Variants in AGBL1 observed in about 807,000 individuals in gnomAD.
The protein encoded by AGBL1 is cytosolic carboxypeptidase 4.
AGBL1 carries 130 observed loss-of-function variants against 118.9 expected under a neutral mutation model. The ratio of observed to expected loss-of-function variants is 1.09; its 90% CI spans 0.95 to 1.26. The LOEUF (loss-of-function observed/expected upper bound fraction) is 1.26, where lower values mean the gene tolerates loss of function less well. AGBL1 is among the 50% of genes most tolerant of loss of function. The pLI, the probability that AGBL1 is intolerant of heterozygous loss-of-function variation, is 0.00. For synonymous variants in AGBL1, 555 were observed against 478.9 expected (o/e 1.16, Z -2.08); for missense variants, 1,584 against 1,298.1 (o/e 1.22, Z -3.38).
At chr15:86,596,947 A>G (rs2084416904) in intron 21 of AGBL1, among the ~76,000 whole-genome samples, 1 of 152,164 alleles carries the variant, frequency 6.6e-6, no homozygotes, top group Admixed American at 6.6e-5. Flanking sequence ...TGTTTGGCTC[A>G]CTAGTATTGT....
intron 9 of AGBL1, among the ~76,000 whole-genome samples, chr15:86,262,041 CT>C (rs1175304470): frequency 7.5e-6 from 1 of 133,106 alleles, no homozygotes; most frequent in Non-Finnish European, 1.6e-5. Context: ...GCTTTTCCTT[CT>C]GCTAATAATT....
At chr15:86,630,320 G>T (rs900229142) in intron 21 of AGBL1, 3 of 152,212 alleles carry the variant, frequency 2.0e-5, no homozygotes, top group African/African-American at 7.2e-5. Context: ...GATAGTTTCT[G>T]TGGAACTCAG....
At chr15:86,821,398 T>C (rs1486173972) in intron 22 of AGBL1, among the ~76,000 whole-genome samples, 3 of 152,096 alleles carry the variant, frequency 2.0e-5, no homozygotes, top group African/African-American at 7.2e-5. Context: ...GAATTTGAAA[T>C]CTAAGGCTAA....
intron 16 of AGBL1, among the ~76,000 whole-genome samples, chr15:86,284,183 A>G (rs2079403173): frequency 9.7e-6 from 1 of 103,436 alleles, no homozygotes; most frequent in African/African-American, 3.6e-5. Context: ...TTCATACTAA[A>G]ATTAAAATAA....
intron 21 of AGBL1, among the ~76,000 whole-genome samples, chr15:86,583,617 T>G (rs140076858): frequency 9.0e-4 from 137 of 152,296 alleles, no homozygotes; most frequent in African/African-American, 3.2e-3. Context: ...TCTTTTCTAT[T>G]GTGAATCGTG....
intron 8 of AGBL1, among the ~76,000 whole-genome samples, 179 bp downstream of exon 8, chr15:86,257,197 T>G (rs1363231933): frequency 6.6e-6 from 1 of 152,246 alleles, no homozygotes; most frequent in East Asian, 1.9e-4. Flanking sequence ...GGTGATTTCA[T>G]AAACAGAAAA....
intron 17 of AGBL1, among the ~76,000 whole-genome samples, chr15:86,333,002 G>A (rs1027622040): frequency 6.6e-6 from 1 of 152,044 alleles, no homozygotes; most frequent in African/African-American, 2.4e-5. Flanking sequence ...AATGAACACC[G>A]ATACCACATA....
chr15:86,769,187 G>T (rs2078138122), intron 22 of AGBL1, among the ~76,000 whole-genome samples: 1 of 138,536 alleles, frequency 7.2e-6, no homozygotes, highest in Non-Finnish European at 1.5e-5. Flanking sequence ...GAGAGAGAGA[G>T]AGACAGAGAA....
chr15:86,686,725 C>A (rs918595476), intron 22 of AGBL1, among the ~76,000 whole-genome samples: 1 of 152,156 alleles, frequency 6.6e-6, no homozygotes, highest in Non-Finnish European at 1.5e-5. Context: ...GCATGAGCCA[C>A]CATGCCTGGC....
At chr15:86,155,271 C>T (rs1597467628) in intron 4 of AGBL1, among the ~76,000 whole-genome samples, 1 of 151,890 alleles carries the variant, frequency 6.6e-6, no homozygotes. Context: ...CATTTGAGAC[C>T]AGCTTGGTCT....
At chr15:86,221,088 C>T (rs929935185) in intron 5 of AGBL1, among the ~76,000 whole-genome samples, 5 of 152,066 alleles carry the variant, frequency 3.3e-5, no homozygotes, top group African/African-American at 1.2e-4. Flanking sequence ...ATCCCAGCTA[C>T]CTGGGAGGCT....
chr15:86,770,352 A>G (rs1479001711), intron 22 of AGBL1, among the ~76,000 whole-genome samples: 1 of 151,918 alleles, frequency 6.6e-6, no homozygotes, highest in Non-Finnish European at 1.5e-5. Flanking sequence ...CAATGTCTGG[A>G]CACGGTTTTT....
At chr15:86,168,032 T>G (rs759698010) in intron 5 of AGBL1, among the ~76,000 whole-genome samples, 9 of 152,214 alleles carry the variant, frequency 5.9e-5, no homozygotes, top group Non-Finnish European at 1.0e-4. Flanking sequence ...GTTGAATGAA[T>G]GAACACTGTT....
intron 1 of AGBL1, among the ~76,000 whole-genome samples, chr15:86,119,599 G>A (rs1333576821): frequency 6.6e-6 from 1 of 151,962 alleles, no homozygotes; most frequent in African/African-American, 2.4e-5. Flanking sequence ...GAACATGATG[G>A]ACCCCACAAT....
intron 1 of AGBL1, among the ~76,000 whole-genome samples, chr15:86,124,035 C>G (rs996897852): frequency 6.6e-6 from 1 of 151,918 alleles, no homozygotes; most frequent in Admixed American, 6.6e-5. Context: ...GTTTAGTTAA[C>G]GATAATGTAC....
At chr15:86,098,138 A>C (rs1046202007) in intron 1 of AGBL1, among the ~76,000 whole-genome samples, 12 of 151,568 alleles carry the variant, frequency 7.9e-5, no homozygotes, top group African/African-American at 2.9e-4. Flanking sequence ...GTTTATTCAA[A>C]CCCTTTGCCC....
intron 22 of AGBL1, among the ~76,000 whole-genome samples, chr15:86,767,761 C>T (rs951610991): frequency 6.6e-6 from 1 of 151,928 alleles, no homozygotes; most frequent in Non-Finnish European, 1.5e-5. Context: ...GTCAGATTTT[C>T]TGATGCGATG....
intron 24 of AGBL1, among the ~76,000 whole-genome samples, chr15:87,022,272 A>G (rs963620268): frequency 2.6e-5 from 4 of 152,080 alleles, no homozygotes; most frequent in Non-Finnish European, 4.4e-5. Context: ...AACACCCCCC[A>G]AAAATCACAC....
At chr15:86,703,923 TA>T (rs1430654861) in intron 22 of AGBL1, among the ~76,000 whole-genome samples, 1 of 152,078 alleles carries the variant, frequency 6.6e-6, no homozygotes, top group East Asian at 1.9e-4. Flanking sequence ...AATACCATGG[TA>T]CTGGTACCAC....
Sources: allele counts gnomAD v4.1 joint callset (sites outside exome capture counted in the v4.1 genomes callset), GRCh38; gene constraint gnomAD v4.1.1; transcripts MANE v1.5; gene names NCBI Gene and HGNC (gene_info 2026-07-23, HGNC 2026-07-21).